The following MGMT variants were observed in gnomAD, a reference collection of about 807,000 sequenced individuals.
The protein encoded by MGMT is O-6-methylguanine-DNA methyltransferase.
MGMT carries 14 observed loss-of-function variants against 15.9 expected under a neutral mutation model. The ratio of observed to expected loss-of-function variants is 0.88; its 90% CI spans 0.58 to 1.37. The LOEUF (loss-of-function observed/expected upper bound fraction) is 1.37, where lower values mean the gene tolerates loss of function less well. Among genes scored for constraint, MGMT ranks in the 40% most tolerant of loss-of-function variants. The probability of loss-of-function intolerance (pLI) is 0.00; values close to 1 mark genes in which losing one functional copy is unlikely to be tolerated. For missense variants in MGMT, 282 were observed against 268.1 expected (o/e 1.05, Z -0.36); for synonymous variants, 130 against 118.2 (o/e 1.10, Z -0.65).
At chr10:129,502,959 T>G (rs1845589387) in intron 1 of MGMT, among the ~76,000 whole-genome samples, 1 of 152,208 alleles carries the variant, frequency 6.6e-6, no homozygotes, top group African/African-American at 2.4e-5. Flanking sequence ...CGTATTTCAT[T>G]TATATTTAAA....
rs1227570925 is a variant in MGMT at position 129,619,017 on chromosome 10, C to G, written c.125+82640C>G. Among the ~76,000 whole-genome samples the G allele has an allele frequency of 2.0e-5, 3 of 152,134 alleles. No homozygotes were observed. In the South Asian group the frequency reaches 6.2e-4, roughly 32 times the overall value. On this transcript the variant is annotated intron_variant, in intron 2 of 4. Coordinates refer to ENST00000651593, the MANE Select transcript of MGMT (RefSeq NM_002412.5). ...TATTGTACTGGCTAGGGTCTCCATA[C>G]TGCATTCAACAGGAGTTGGGGAAGT...
At chr10:129,631,330 G>A (rs189626513) in intron 2 of MGMT, among the ~76,000 whole-genome samples, 1 of 152,218 alleles carries the variant, frequency 6.6e-6, no homozygotes, top group African/African-American at 2.4e-5. Context: ...TTGACCGAAT[G>A]TATTATCTGT....
chr10:129,537,332 G>A lies in MGMT; in HGVS notation c.125+955G>A, dbSNP rs182777734. Reference sequence around the variant, plus strand: ...GTCATAAATATCAGCACTCGCCTCCGCTGTCGAGATTTTTCCTGTAGAGCT... The same window carrying A: ...GTCATAAATATCAGCACTCGCCTCCACTGTCGAGATTTTTCCTGTAGAGCT... On this transcript the variant is annotated intron_variant, in intron 2 of 4. Transcript: ENST00000651593. 2.6e-3 allele frequency among the ~76,000 whole-genome samples: 393 copies of A among 152,228 alleles called. 1 individual carries two copies. The highest frequency in any genetic ancestry group is 8.9e-3 in the African/African-American group (371 of 41,550).
intron 3 of MGMT, chr10:129,717,737 G>A (rs1489244733): frequency 6.6e-6 from 1 of 152,208 alleles, no homozygotes; most frequent in Non-Finnish European, 1.5e-5. Context: ...CCTGGCCGGG[G>A]ACCCTGACTC....
At chr10:129,680,955 G>C (rs1208240575) in intron 2 of MGMT, among the ~76,000 whole-genome samples, 1 of 152,232 alleles carries the variant, frequency 6.6e-6, no homozygotes, top group Admixed American at 6.5e-5. Context: ...ATGCAATGCT[G>C]CTGGCAGTCC....
rs1848991005 is a variant in MGMT at position 129,770,739 on chromosome 10, C to A, written c.*3742C>A. Among the ~76,000 whole-genome samples, 1 of 152,222 alleles carries A rather than the reference C, an allele frequency of 6.6e-6. No homozygotes were observed. Among genetic ancestry groups the A allele is most frequent in the Non-Finnish European group, 1.5e-5 (1 of 68,040 alleles). ...GTTTTATTTTACTAGGAAGATTTTA[C>A]TGAAAGACCAATCCCGAAACGGCCC... is the stretch of plus-strand genomic sequence containing the variant. On this transcript the variant is annotated 3_prime_UTR_variant, in exon 5 of 5. Transcript: ENST00000651593.
intron 2 of MGMT, among the ~76,000 whole-genome samples, chr10:129,605,743 T>G (rs956290129): frequency 6.6e-6 from 1 of 152,210 alleles, no homozygotes; most frequent in African/African-American, 2.4e-5. Context: ...CTCAAACACG[T>G]GTTGTGGACA....
intron 1 of MGMT, among the ~76,000 whole-genome samples, chr10:129,476,094 G>A (rs949166272): frequency 1.7e-4 from 26 of 152,288 alleles, no homozygotes; most frequent in African/African-American, 5.8e-4. Context: ...TTTGCCACTA[G>A]CTTGAGTCCA....
chr10:129,594,067 G>C (rs916036384), intron 2 of MGMT, among the ~76,000 whole-genome samples: 1 of 152,170 alleles, frequency 6.6e-6, no homozygotes, highest in Non-Finnish European at 1.5e-5. Context: ...CTGTTTATGC[G>C]AGGCCGGCAA....
At chr10:129,638,865 G>A (rs1315655838) in intron 2 of MGMT, among the ~76,000 whole-genome samples, 1 of 152,030 alleles carries the variant, frequency 6.6e-6, no homozygotes, top group Admixed American at 6.6e-5. Context: ...AAACTTTGAG[G>A]GTAAATGGAT....
At chr10:129,591,981 G>A (rs1017671032) in intron 2 of MGMT, among the ~76,000 whole-genome samples, 35 of 152,132 alleles carry the variant, frequency 2.3e-4, no homozygotes, top group African/African-American at 5.8e-4. Flanking sequence ...AGCAATAAAC[G>A]CTAATTGTAC....
At chr10:129,684,731 A>G (rs1243293247) in intron 2 of MGMT, among the ~76,000 whole-genome samples, 1 of 152,228 alleles carries the variant, frequency 6.6e-6, no homozygotes, top group Admixed American at 6.5e-5. Context: ...GACTTTTGTT[A>G]TGCTCCAAAG....
chr10:129,694,791 G>A (rs1848011438), intron 2 of MGMT, among the ~76,000 whole-genome samples: 1 of 152,158 alleles, frequency 6.6e-6, no homozygotes, highest in Admixed American at 6.5e-5. Flanking sequence ...CCAGCTCAAA[G>A]GAGAAAGGGA....
chr10:129,734,492 C>T (rs1312703260), intron 3 of MGMT, among the ~76,000 whole-genome samples: 1 of 151,698 alleles, frequency 6.6e-6, no homozygotes, highest in Non-Finnish European at 1.5e-5. Context: ...GATATACAAT[C>T]ATGTCATCTG....
At chr10:129,731,426 G>A (rs554299945) in intron 3 of MGMT, among the ~76,000 whole-genome samples, 15 of 133,508 alleles carry the variant, frequency 1.1e-4, no homozygotes, top group Non-Finnish European at 2.1e-4. Context: ...GCAGTGACAC[G>A]ATCTCGGCTT....
chr10:129,605,355 G>C (rs1371051561), intron 2 of MGMT, among the ~76,000 whole-genome samples: 2 of 152,236 alleles, frequency 1.3e-5, no homozygotes, highest in East Asian at 3.9e-4. Context: ...TATTTGGCCA[G>C]TTCCATTCCA....
intron 3 of MGMT, among the ~76,000 whole-genome samples, chr10:129,722,977 G>A (rs1848389591): frequency 8.4e-6 from 1 of 119,228 alleles, no homozygotes; most frequent in Non-Finnish European, 1.6e-5. Context: ...CTGCATTCCA[G>A]TTTGGGTGAC....
rs1376896563 is a variant in MGMT, at chr10:129,471,779, G to GCACCCA, written c.-13+4483_-13+4484insCACCCA. On this transcript the variant is annotated intron_variant, in intron 1 of 4. Transcript: ENST00000651593. ...TTGAGCACCTCTAGGGAAGGCCTTA[G>GCACCCA]GATCCTCTGGGAAGTAGCACTCTCC... 3.3e-5 allele frequency among the ~76,000 whole-genome samples: 5 copies of GCACCCA among 152,242 alleles called. No homozygotes were observed. In the East Asian group the frequency reaches 9.7e-4, roughly 30 times the overall value.
At chr10:129,476,205 A>G (rs766653541) in intron 1 of MGMT, among the ~76,000 whole-genome samples, 1 of 152,102 alleles carries the variant, frequency 6.6e-6, no homozygotes, top group African/African-American at 2.4e-5. Context: ...CCATGAGTGT[A>G]ATTAGAACAT....
Sources: allele counts gnomAD v4.1 joint callset (sites outside exome capture counted in the v4.1 genomes callset), GRCh38; gene constraint gnomAD v4.1.1; transcripts MANE v1.5; gene names NCBI Gene and HGNC (gene_info 2026-07-23, HGNC 2026-07-21).